The following KCNH8 variants were observed in gnomAD, a reference collection of about 807,000 sequenced individuals.
The protein encoded by KCNH8 is voltage-gated delayed rectifier potassium channel KCNH8.
A neutral mutation model predicts 103.6 loss-of-function variants in KCNH8; 70 were observed. That is an observed-to-expected ratio of 0.68 (90% CI 0.56 to 0.82). The LOEUF is 0.82. Ranked by LOEUF, KCNH8 falls within the 40% of genes least tolerant of loss-of-function variation. The pLI is 0.00. For synonymous variants in KCNH8, 498 were observed against 489.4 expected (o/e 1.02, Z -0.23); for missense variants, 1,217 against 1,329.9 (o/e 0.92, Z 1.32).
At chr3:19,260,326 A>T (rs1355951197) in intron 2 of KCNH8, among the ~76,000 whole-genome samples, 1 of 151,114 alleles carries the variant, frequency 6.6e-6, no homozygotes, top group African/African-American at 2.4e-5. Context: ...GTATATTCAT[A>T]TTCAGTCTTA....
chr3:19,343,658 T>C (rs1360235656), intron 4 of KCNH8, among the ~76,000 whole-genome samples: 1 of 152,130 alleles, frequency 6.6e-6, no homozygotes, highest in Non-Finnish European at 1.5e-5. Context: ...CCAGAAGTTC[T>C]GGGAGTTAAG....
chr3:19,202,000 T>C (rs915796708), intron 1 of KCNH8, among the ~76,000 whole-genome samples: 2 of 152,170 alleles, frequency 1.3e-5, no homozygotes, highest in African/African-American at 4.8e-5. Context: ...GTCAATTGAT[T>C]GAGTTTGGCA....
intron 11 of KCNH8, among the ~76,000 whole-genome samples, chr3:19,470,993 G>C (rs565133894): frequency 1.4e-4 from 22 of 152,262 alleles, no homozygotes; most frequent in Admixed American, 5.9e-4. Context: ...CCTGCAAAGA[G>C]ATCAACCACA....
At position 19,534,142 on chromosome 3, in the gene KCNH8, T is replaced by TG. The variant is rs760531736; in HGVS notation, c.*44dup. 4 of 1,437,374 alleles carry TG rather than the reference T, an allele frequency of 2.8e-6. No homozygotes were observed. Among genetic ancestry groups the TG allele is most frequent in the Non-Finnish European group, 3.9e-6 (4 of 1,037,956 alleles). 89.0% of individuals were successfully genotyped at this position (1,437,374 alleles called of 1,614,324 possible). On this transcript the variant is annotated 3_prime_UTR_variant, in exon 16 of 16. Coordinates refer to ENST00000328405, the MANE Select transcript of KCNH8 (RefSeq NM_144633.3). ...CAGCAGCTAATTTCAAACCTACCAC[T>TG]GCATGACAGTTTTAGTTTGCCTTTT...
At position 19,442,040 on chromosome 3, in the gene KCNH8, A is replaced by C. The variant is rs185113364; in HGVS notation, c.1375+3679A>C. ...TTCAGAAGCAGTGAGAGTTTCTTGG[A>C]AAGACAGTGCCATGGCACAGTTGTT... On this transcript the variant is annotated intron_variant, in intron 8 of 15. Transcript: ENST00000328405. Among the ~76,000 whole-genome samples the C allele has an allele frequency of 5.3e-5, 8 of 152,312 alleles. No homozygotes were observed. The East Asian group carries it at 1.5e-3, about 29-fold the overall frequency.
At chr3:19,386,115 A>G (rs2066352787) in intron 5 of KCNH8, among the ~76,000 whole-genome samples, 1 of 152,114 alleles carries the variant, frequency 6.6e-6, no homozygotes, top group South Asian at 2.1e-4. Flanking sequence ...ATCAAACTAG[A>G]AAAAATGGAT....
intron 11 of KCNH8, among the ~76,000 whole-genome samples, chr3:19,499,739 C>G (rs905619588): frequency 3.9e-5 from 6 of 152,076 alleles, no homozygotes; most frequent in East Asian, 1.9e-4. Flanking sequence ...AGCAAATGCT[C>G]AGAGATTTTT....
In KCNH8 at chr3:19,236,208, T is replaced by G. The variant is rs370572849; in HGVS notation, c.77-17446T>G. Among the ~76,000 whole-genome samples the G allele has an allele frequency of 4.2e-4, 64 of 152,338 alleles. 1 individual carries two copies. The South Asian group carries it at 0.013, about 31-fold the overall frequency. On this transcript the variant is annotated intron_variant, in intron 1 of 15. Coordinates refer to ENST00000328405, the MANE Select transcript of KCNH8 (RefSeq NM_144633.3). ...CTGAAAGAAACTTCATTGAAGTTGT[T>G]AGTCTCTCTTTGAATCCTGGAAGAA... is the stretch of plus-strand genomic sequence containing the variant.
At chr3:19,485,835 C>T (rs2068194933) in intron 11 of KCNH8, among the ~76,000 whole-genome samples, 1 of 152,180 alleles carries the variant, frequency 6.6e-6, no homozygotes, top group South Asian at 2.1e-4. Flanking sequence ...GAGGTTTTTA[C>T]ACTGCCTCTA....
chr3:19,312,962 A>T (rs988188929), intron 3 of KCNH8, among the ~76,000 whole-genome samples: 1 of 151,912 alleles, frequency 6.6e-6, no homozygotes, highest in Admixed American at 6.6e-5. Context: ...TCAGAATTGG[A>T]TAAGTTCTAG....
At position 19,281,280 on chromosome 3, in the gene KCNH8, A is replaced by G. The variant is rs761297930; in HGVS notation, c.393A>G (p.Lys131=). 1.2e-6 allele frequency: 2 copies of G among 1,611,080 alleles called. No homozygotes were observed. The highest frequency in any genetic ancestry group is 2.2e-5 in the South Asian group (2 of 90,632). Residue 131 remains lysine (K), a synonymous_variant, in exon 3 of 16, where the codon AAA becomes AAG. Transcript: ENST00000328405. ...GDVVLFLASF[K]DITDTKVKIT... ...TAGTACTTTTTCTGGCCTCGTTCAA[A>G]GATATAACAGATACAAAAGTGAAGA...
At chr3:19,226,584 T>TTCTCTCTC (rs113627715) in intron 1 of KCNH8, among the ~76,000 whole-genome samples, 2 of 148,038 alleles carry the variant, frequency 1.4e-5, no homozygotes, top group African/African-American at 5.0e-5. Flanking sequence ...CTTTCAGTCT[T>TTCTCTCTC]TCTCTCTCTC....
chr3:19,501,404 G>A (rs535762654), intron 11 of KCNH8, among the ~76,000 whole-genome samples: 153 of 152,248 alleles, frequency 1.0e-3, no homozygotes, highest in African/African-American at 3.5e-3. Context: ...GAAAAAGAGG[G>A]AATCCTCCCT....
At chr3:19,315,345 A>G (rs1303517818) in intron 3 of KCNH8, among the ~76,000 whole-genome samples, 2 of 152,026 alleles carry the variant, frequency 1.3e-5, no homozygotes, top group Non-Finnish European at 2.9e-5. Flanking sequence ...GGGGGACACA[A>G]CTAAGGTAAT....
chr3:19,438,616 T>C (rs2067235225), intron 8 of KCNH8, among the ~76,000 whole-genome samples: 1 of 152,212 alleles, frequency 6.6e-6, no homozygotes, highest in Non-Finnish European at 1.5e-5. Context: ...GGGCTCCTCT[T>C]ATGTAGAATC....
chr3:19,310,505 C>A (rs1044651785), intron 3 of KCNH8, among the ~76,000 whole-genome samples: 4 of 151,732 alleles, frequency 2.6e-5, no homozygotes, highest in Non-Finnish European at 4.4e-5. Context: ...TATGGATTTT[C>A]ATAACTTGAG....
chr3:19,390,725 C>A, intron 6 of KCNH8, 87 bp downstream of exon 6: 1 of 1,325,288 alleles, frequency 7.5e-7, no homozygotes. Context: ...GCGATTTATG[C>A]TTCCAGGGTT....
intron 7 of KCNH8, among the ~76,000 whole-genome samples, chr3:19,400,015 C>CG (rs1371649064): frequency 6.6e-6 from 1 of 151,574 alleles, no homozygotes; most frequent in African/African-American, 2.4e-5. Context: ...AGATCCTGTG[C>CG]GGGAGTCCTA....
At chr3:19,215,877 C>G (rs111514311) in intron 1 of KCNH8, among the ~76,000 whole-genome samples, 53 of 152,346 alleles carry the variant, frequency 3.5e-4, no homozygotes, top group Non-Finnish European at 6.3e-4. Flanking sequence ...ACATCTGTAG[C>G]TAATTCTGTC....
Sources: allele counts gnomAD v4.1 joint callset (sites outside exome capture counted in the v4.1 genomes callset), GRCh38; gene constraint gnomAD v4.1.1; transcripts MANE v1.5; gene names NCBI Gene and HGNC (gene_info 2026-07-23, HGNC 2026-07-21).